Variants in KLHL30 observed in about 807,000 individuals in gnomAD.
The protein encoded by KLHL30 is kelch-like protein 30.
KLHL30 carries 55 observed loss-of-function variants against 55.0 expected under a neutral mutation model. The ratio of observed to expected loss-of-function variants is 1.00; its 90% CI spans 0.80 to 1.25. The LOEUF (loss-of-function observed/expected upper bound fraction) is 1.25, where lower values mean the gene tolerates loss of function less well. Among genes scored for constraint, KLHL30 ranks in the 50% most tolerant of loss-of-function variants. The pLI is 0.00. For missense variants in KLHL30, 786 were observed against 811.6 expected (o/e 0.97, Z 0.38); for synonymous variants, 356 against 372.6 (o/e 0.96, Z 0.51).
rs1220282302 is a variant in KLHL30, at chr2:238,151,092, G to A, written c.*27G>A. The A allele has an allele frequency of 2.6e-6, 4 of 1,564,416 alleles. No homozygotes were observed. The highest frequency in any genetic ancestry group is 2.6e-6 in the Non-Finnish European group (3 of 1,153,274). ...CCAGGGCCAGGGTCCCCGGGGAGGA[G>A]TCCCCACAGCGGCCCCTCATCAGCC... is the stretch of plus-strand genomic sequence containing the variant. On this transcript the variant is annotated 3_prime_UTR_variant, in exon 8 of 8. Coordinates refer to ENST00000409223, the MANE Select transcript of KLHL30 (RefSeq NM_198582.4).
In KLHL30 at chr2:238,147,852, T is replaced by C. The variant is rs773428178; in HGVS notation, c.1169T>C (p.Val390Ala). The stretch of plus-strand genomic sequence containing the variant: ...CCCACAGGCACCACCCTGGACGTGG[T>C]GGAGGTGGAGAGCTATGACCCCTAC... Reference protein sequence around the residue: ...YVIGGTTLDVVEVESYDPYTD... With the variant: ...YVIGGTTLDVAEVESYDPYTD... The change falls in exon 6 of 8, where the codon GTG becomes GCG. Residue 390 changes from valine (V) to alanine (A), a missense_variant. By Grantham distance (64) the Val-to-Ala change is moderately conservative (BLOSUM62 0). Coordinates refer to ENST00000409223, the MANE Select transcript of KLHL30 (RefSeq NM_198582.4). This position sits in a 1 kb window ranked among gnomAD's most constrained non-coding sequence, Gnocchi z 5.8. 6.6e-7 allele frequency: 1 copy of C among 1,508,112 alleles called. No homozygotes were observed. The highest frequency in any genetic ancestry group is 1.3e-5 in the South Asian group (1 of 79,776). The allele number at this position is 1,508,112 out of a possible 1,614,324, so 93.4% of individuals were successfully genotyped here.
At position 238,152,047 on chromosome 2, in the gene KLHL30, A is replaced by G. The variant is rs1474782825; in HGVS notation, c.*982A>G. The G allele has an allele frequency of 2.0e-6, 2 of 984,882 alleles. No individual in the cohort carries two copies. The highest frequency in any genetic ancestry group is 3.5e-5 in the African/African-American group (2 of 57,060). The allele number at this position is 984,882 out of a possible 1,614,324, so 61.0% of individuals were successfully genotyped here. A position where few individuals can be genotyped will look rare whatever the true frequency, so the allele number is the denominator to read the frequency against. On this transcript the variant is annotated 3_prime_UTR_variant, in exon 8 of 8. Transcript: ENST00000409223. ...TTTGCAGCTAAGGAGACAATGAAGGACTCTCCCTGGGTGCCCAATGGCGTG... is the reference window on the plus strand; with the variant it reads ...TTTGCAGCTAAGGAGACAATGAAGGGCTCTCCCTGGGTGCCCAATGGCGTG...
intron 7 of KLHL30, among the ~76,000 whole-genome samples, chr2:238,149,545 G>A (rs1302928518): frequency 6.6e-6 from 1 of 152,186 alleles, no homozygotes; most frequent in Non-Finnish European, 1.5e-5. Context: ...AACGCGATTT[G>A]GGTTGCCGGC....
Position 238,145,782 on chromosome 2 carries a change from G to C in KLHL30, c.1100G>C (p.Arg367Pro), listed in dbSNP as rs530757027. ...WKPVAPMLKP[R>P]TNHASAALNG... ...CCCGTGGCGCCCATGCTGAAGCCCC[G>C]CACCAACCACGCCAGCGCGGCCCTC... Residue 367 changes from arginine (R) to proline (P), a missense_variant, in exon 5 of 8, where the codon CGC becomes CCC. Arg to Pro is a moderately radical substitution (Grantham distance 103). Coordinates refer to ENST00000409223, the MANE Select transcript of KLHL30 (RefSeq NM_198582.4). 6.2e-7 allele frequency: 1 copy of C among 1,607,614 alleles called. No individual in the cohort carries two copies. Among genetic ancestry groups the C allele is most frequent in the Middle Eastern group, 1.7e-4 (1 of 5,980 alleles).
chr2:238,148,076 G>A (rs1157247966), intron 6 of KLHL30, 54 bp downstream of exon 6: 27 of 1,325,196 alleles, frequency 2.0e-5, no homozygotes, highest in South Asian at 3.9e-5. Flanking sequence ...TCTGACAGGC[G>A]ACAGTCCGCT....
chr2:238,139,317 C>A (rs1458307985), intron 1 of KLHL30, among the ~76,000 whole-genome samples: 1 of 152,242 alleles, frequency 6.6e-6, no homozygotes, highest in Non-Finnish European at 1.5e-5. Flanking sequence ...CCTACTCAGG[C>A]CCCAGCTCAT....
intron 3 of KLHL30, among the ~76,000 whole-genome samples, chr2:238,144,428 A>AGGCAGGC (rs1559276019): frequency 1.1e-3 from 81 of 76,942 alleles, no homozygotes; most frequent in Middle Eastern, 5.6e-3. Flanking sequence ...GGAAGGAAGG[A>AGGCAGGC]AGGAAGGCAG....
chr2:238,141,959 G>T (rs533186091), intron 2 of KLHL30, among the ~76,000 whole-genome samples: 85 of 152,384 alleles, frequency 5.6e-4, no homozygotes, highest in African/African-American at 1.9e-3. Context: ...AGGAGGAAAA[G>T]AGGGGAAAAC....
At chr2:238,148,170 G>C (rs1215884346) in intron 6 of KLHL30, 148 bp downstream of exon 6, 1 of 756,538 alleles carries the variant, frequency 1.3e-6, no homozygotes, top group African/African-American at 1.8e-5. Context: ...CTCTCACAAA[G>C]AGGAGGGGAT....
In KLHL30 at chr2:238,147,871, C is replaced by A. The variant is rs765060752; in HGVS notation, c.1188C>A (p.Asp396Glu). ...ACGTGGTGGAGGTGGAGAGCTATGACCCCTACACGGACAGCTGGACGCCCG... is the reference window on the plus strand; with the variant it reads ...ACGTGGTGGAGGTGGAGAGCTATGAACCCTACACGGACAGCTGGACGCCCG... ...TLDVVEVESY[D>E]PYTDSWTPVS... Residue 396 changes from aspartate (D) to glutamate (E), a missense_variant, in exon 6 of 8, where the codon GAC (aspartate) becomes GAA (glutamate). Transcript: ENST00000409223. The surrounding 1 kb of genome is among the most constrained non-coding windows in gnomAD (Gnocchi z 5.8). 1.3e-6 allele frequency: 2 copies of A among 1,590,760 alleles called. No individual in the cohort carries two copies. Among genetic ancestry groups the A allele is most frequent in the African/African-American group, 1.3e-5 (1 of 74,102 alleles).
At chr2:238,141,735 G>T (rs114108349) in intron 2 of KLHL30, among the ~76,000 whole-genome samples, 2,961 of 152,380 alleles carry the variant, frequency 0.019, 63 homozygotes, top group East Asian at 0.077. Flanking sequence ...CACGCCCTGT[G>T]TGCAAGGGGC....
chr2:238,139,816 G>A (rs570230672), intron 1 of KLHL30, among the ~76,000 whole-genome samples: 54 of 152,368 alleles, frequency 3.5e-4, no homozygotes, highest in Non-Finnish European at 6.8e-4. Context: ...CCGGGTCGAA[G>A]GCTTGTGCAC....
intron 2 of KLHL30, 126 bp downstream of exon 2, chr2:238,141,654 T>G (rs930765252): frequency 1.8e-5 from 19 of 1,082,642 alleles, no homozygotes; most frequent in Non-Finnish European, 2.3e-5. Flanking sequence ...CCACGCTCCT[T>G]GTTTTGGGCC....
At chr2:238,143,842 G>C (rs1692584841) in intron 3 of KLHL30, among the ~76,000 whole-genome samples, 1 of 152,240 alleles carries the variant, frequency 6.6e-6, no homozygotes, top group Non-Finnish European at 1.5e-5. Context: ...TGGGGTGACA[G>C]AGCCATGAGT....
intron 7 of KLHL30, among the ~76,000 whole-genome samples, chr2:238,150,425 C>G (rs1692732538): frequency 2.0e-5 from 3 of 151,868 alleles, no homozygotes; most frequent in African/African-American, 7.2e-5. Flanking sequence ...CAAGGGAACC[C>G]ACGGTGGGCT....
chr2:238,151,136 A>T lies in KLHL30; in HGVS notation c.*71A>T. ...ATCAGCCTGTGGAACGGCCCCTTTCATTTTCGCTTATTTGTTCACTCGGAG... is the reference window on the plus strand; with the variant it reads ...ATCAGCCTGTGGAACGGCCCCTTTCTTTTTCGCTTATTTGTTCACTCGGAG... On this transcript the variant is annotated 3_prime_UTR_variant, in exon 8 of 8. Coordinates refer to ENST00000409223, the MANE Select transcript of KLHL30 (RefSeq NM_198582.4). 1.3e-6 allele frequency: 2 copies of T among 1,499,978 alleles called. No individual in the cohort carries two copies. The highest frequency in any genetic ancestry group is 1.8e-6 in the Non-Finnish European group (2 of 1,117,646). The allele number at this position is 1,499,978 out of a possible 1,614,324, so 92.9% of individuals were successfully genotyped here. A position where few individuals can be genotyped will look rare whatever the true frequency, so the allele number is the denominator to read the frequency against.
intron 3 of KLHL30, among the ~76,000 whole-genome samples, chr2:238,144,428 AAGGAAGGCAGGCAGGCAGGCAGGC>A (rs1202365941): frequency 0.023 from 1,770 of 75,598 alleles, 15 homozygotes; most frequent in Middle Eastern, 0.041. Context: ...GGAAGGAAGG[AAGGAAGGCAGGCAGGCAGGCAGGC>A]AGGCAGGCAG....
intron 3 of KLHL30, among the ~76,000 whole-genome samples, chr2:238,144,432 A>AAGGAAGGAAGGAAGGAAGGAAGGAAGGC (rs1692608040): frequency 1.3e-4 from 11 of 82,440 alleles, no homozygotes; most frequent in South Asian, 8.3e-4. Context: ...GGAAGGAAGG[A>AAGGAAGGAAGGAAGGAAGGAAGGAAGGC]AGGCAGGCAG....
intron 1 of KLHL30, among the ~76,000 whole-genome samples, chr2:238,139,568 G>A (rs1692494229): frequency 1.3e-5 from 2 of 152,190 alleles, no homozygotes; most frequent in Non-Finnish European, 2.9e-5. Context: ...CACCGGGGTC[G>A]GGAAGTCGGG....
Sources: gnomAD v4.1 joint callset for allele counts (sites outside exome capture counted in the v4.1 genomes callset) on GRCh38, gnomAD v4.1.1 for gene constraint, Gnocchi (gnomAD v3.1) non-coding constraint, MANE v1.5 for transcripts, NCBI Gene and HGNC (gene_info 2026-07-23, HGNC 2026-07-21) for gene names.